LONP2: variants seen among roughly 807,000 people sequenced by gnomAD.
The protein encoded by LONP2 is lon peptidase 2, peroxisomal, also known as lon protease homolog 2, peroxisomal.
Under a neutral mutation model 85.6 loss-of-function variants are expected in LONP2, and 60 were observed. That is an observed-to-expected ratio of 0.70 (90% CI 0.57 to 0.87). The LOEUF is 0.87. Among genes scored for constraint, LONP2 ranks in the 40% least tolerant of loss-of-function variants. LONP2 has a pLI of 0.00. For synonymous variants in LONP2, 395 were observed against 389.7 expected, an observed-to-expected ratio of 1.01 and a Z score of -0.16; for missense variants, 860 against 1,063.5, an observed-to-expected ratio of 0.81 and a Z score of 2.66.
intron 12 of LONP2, among the ~76,000 whole-genome samples, chr16:48,346,974 G>T (rs866835204): frequency 1.3e-5 from 2 of 151,586 alleles, no homozygotes; most frequent in South Asian, 4.3e-4. Context: ...AACATGGTGA[G>T]ACCACATCTC....
chr16:48,266,680 C>T (rs190900263), intron 6 of LONP2, among the ~76,000 whole-genome samples: 138 of 152,218 alleles, frequency 9.1e-4, no homozygotes, highest in African/African-American at 3.1e-3. Flanking sequence ...CTGTATATAA[C>T]AGTAATTTGT....
intron 10 of LONP2, among the ~76,000 whole-genome samples, chr16:48,300,997 T>C (rs1972792635): frequency 6.6e-6 from 1 of 152,212 alleles, no homozygotes; most frequent in Admixed American, 6.5e-5. Flanking sequence ...TTTTTATGTA[T>C]ACTTGTTAAC....
intron 12 of LONP2, chr16:48,336,338 C>G: frequency 4.4e-6 from 2 of 456,114 alleles, no homozygotes; most frequent in East Asian, 6.9e-5. Context: ...CATAGTAACA[C>G]TTTTACCAAC....
At chr16:48,325,179 C>T (rs1481138551) in intron 11 of LONP2, among the ~76,000 whole-genome samples, 1 of 152,124 alleles carries the variant, frequency 6.6e-6, no homozygotes, top group Non-Finnish European at 1.5e-5. Context: ...GTTCATAATT[C>T]ACAATAGAGT....
chr16:48,362,999 AT>A lies in LONP2; in HGVS notation c.*1139del, dbSNP rs1163281029. 6.0e-6 allele frequency: 1 copy of A among 166,264 alleles called. No homozygotes were observed. Among genetic ancestry groups the A allele is most frequent in the East Asian group, 1.9e-4 (1 of 5,212 alleles). The allele number at this position is 166,264 out of a possible 1,614,324, so 10.3% of individuals were successfully genotyped here. On this transcript the variant is annotated 3_prime_UTR_variant, in exon 5 of 5. Coordinates refer to the LONP2 transcript ENST00000565867. This position sits in a 1 kb window ranked among gnomAD's most constrained non-coding sequence, Gnocchi z 4.2. The stretch of plus-strand genomic sequence containing the variant: ...TTTTAAAATACAGTCTATAACAACT[AT>A]TTACATATTGTTTACATTGTATTAA...
At chr16:48,285,756 C>T (rs12448384) in intron 8 of LONP2, among the ~76,000 whole-genome samples, 1 of 151,942 alleles carries the variant, frequency 6.6e-6, no homozygotes, top group Non-Finnish European at 1.5e-5. Context: ...TCCTGTAATT[C>T]TTTAGACATG....
intron 11 of LONP2, among the ~76,000 whole-genome samples, chr16:48,313,533 G>A (rs112210959): frequency 2.9e-4 from 44 of 152,198 alleles, no homozygotes; most frequent in African/African-American, 9.4e-4. Flanking sequence ...ATGTGTCCAT[G>A]TGTTGTCATT....
downstream of LONP2, among the ~76,000 whole-genome samples, chr16:48,357,947 A>G (rs887418545): frequency 5.3e-5 from 8 of 152,224 alleles, no homozygotes; most frequent in African/African-American, 1.9e-4. Context: ...TATAAAAGCA[A>G]TAGAACAAAG....
In LONP2 at chr16:48,244,569, C is replaced by T. The variant is rs1971234438; in HGVS notation, c.181C>T (p.Pro61Ser). 6.6e-7 allele frequency: 1 copy of T among 1,522,130 alleles called. No homozygotes were observed. The allele number at this position is 1,522,130 out of a possible 1,614,324, so 94.3% of individuals were successfully genotyped here. A position where few individuals can be genotyped will look rare whatever the true frequency, so the allele number is the denominator to read the frequency against. ...SLQSTILGVI[P>S]NTPDPASDAQ... is the part of the protein sequence containing the mutation. ...GCAAAGCACCATCCTGGGCGTCATC[C>T]CCAACACGCCTGACCCCGCCAGCGA... The change falls in exon 1 of 15, where the codon CCC (proline) becomes TCC (serine). Residue 61 changes from proline to serine, a missense_variant. Physicochemically the swap from Pro to Ser is moderately conservative, Grantham distance 74 (BLOSUM62 -1). This residue lies in a region of LONP2 where 743 missense variants were observed against 917.3 expected (regional missense o/e 0.81). Transcript: ENST00000285737.
At chr16:48,285,231 T>C (rs1972414647) in intron 8 of LONP2, among the ~76,000 whole-genome samples, 1 of 152,180 alleles carries the variant, frequency 6.6e-6, no homozygotes, top group South Asian at 2.1e-4. Context: ...GGATCTCTTA[T>C]GCCTAATGAG....
intron 11 of LONP2, among the ~76,000 whole-genome samples, chr16:48,320,528 TAA>T (rs113350665): frequency 2.7e-5 from 4 of 145,702 alleles, no homozygotes; most frequent in African/African-American, 1.0e-4. Context: ...CCAAGATTAT[TAA>T]AAAAAAAAAA....
chr16:48,250,781 TCCTC>T (rs1426974554), intron 1 of LONP2, among the ~76,000 whole-genome samples: 1 of 152,260 alleles, frequency 6.6e-6, no homozygotes, highest in Non-Finnish European at 1.5e-5. Context: ...GTGGCTCACT[TCCTC>T]AGGCAATCTG....
At chr16:48,264,421 G>A (rs1971946248) in intron 6 of LONP2, among the ~76,000 whole-genome samples, 1 of 152,230 alleles carries the variant, frequency 6.6e-6, no homozygotes, top group Non-Finnish European at 1.5e-5. Flanking sequence ...GCTTTTGAAA[G>A]AAGAGAAATA....
intron 10 of LONP2, among the ~76,000 whole-genome samples, chr16:48,301,632 C>G (rs1329511296): frequency 1.3e-5 from 2 of 151,146 alleles, no homozygotes; most frequent in Non-Finnish European, 2.9e-5. Flanking sequence ...GAGACTCCGT[C>G]TCAAAAAAAA....
At chr16:48,298,476 C>T (rs557300163) in intron 9 of LONP2, among the ~76,000 whole-genome samples, 2 of 150,470 alleles carry the variant, frequency 1.3e-5, no homozygotes, top group Admixed American at 6.6e-5. Flanking sequence ...CACACACACA[C>T]ATATATATAT....
chr16:48,351,637 CATT>C lies in LONP2; in HGVS notation c.2398_2400del (p.Ile800del), dbSNP rs1960153272. ...CACACAGAGCGGGACTGAAGCAAGT[CATT>C]ATTCCTCGGAGAAATGAAAAAGACC... On this transcript the variant is annotated inframe_deletion, in exon 15 of 15. Transcript: ENST00000285737. 6.2e-7 allele frequency: 1 copy of C among 1,614,078 alleles called. No individual in the cohort carries two copies. The highest frequency in any genetic ancestry group is 8.5e-7 in the Non-Finnish European group (1 of 1,180,008).
At chr16:48,270,604 A>G (rs1972083373) in intron 7 of LONP2, among the ~76,000 whole-genome samples, 1 of 152,168 alleles carries the variant, frequency 6.6e-6, no homozygotes, top group Non-Finnish European at 1.5e-5. Context: ...GCCATAAATA[A>G]TGATCCCTAA....
chr16:48,280,389 T>C (rs370373197), intron 8 of LONP2, among the ~76,000 whole-genome samples: 2 of 152,242 alleles, frequency 1.3e-5, no homozygotes, highest in African/African-American at 4.8e-5. Context: ...TAGTAGTAGA[T>C]GATTAAGTCC....
intron 12 of LONP2, among the ~76,000 whole-genome samples, chr16:48,346,248 G>A (rs556819286): frequency 6.6e-6 from 1 of 152,242 alleles, no homozygotes; most frequent in South Asian, 2.1e-4. Context: ...AAAATCTCCT[G>A]TTTGGATTAG....
Sources: allele counts gnomAD v4.1 joint callset (sites outside exome capture counted in the v4.1 genomes callset), GRCh38; gene constraint gnomAD v4.1.1; regional missense constraint gnomAD v4.1.1; non-coding constraint Gnocchi (gnomAD v3.1); transcripts MANE v1.5; gene names NCBI Gene and HGNC (gene_info 2026-07-23, HGNC 2026-07-21).